The following FOXP2 variants were observed in gnomAD, a reference collection of about 807,000 sequenced individuals.
The protein encoded by FOXP2 is forkhead box P2.
A neutral mutation model predicts 115.8 loss-of-function variants in FOXP2; 12 were observed. That is an observed-to-expected ratio of 0.10 (90% confidence interval 0.07 to 0.17). FOXP2 has a LOEUF of 0.17. FOXP2 is among the 10% of genes least tolerant of loss of function. The pLI, the probability that FOXP2 is intolerant of heterozygous loss-of-function variation, is 1.00. For missense variants in FOXP2, 629 were observed against 843.5 expected, an observed-to-expected ratio of 0.75 and a Z score of 3.15; for synonymous variants, 328 against 297.7, an observed-to-expected ratio of 1.10 and a Z score of -1.05.
intron 13 of FOXP2, chr7:114,661,673 A>G: frequency 4.1e-6 from 1 of 243,360 alleles, no homozygotes; most frequent in South Asian, 5.2e-5. Context: ...TAGCATTTTA[A>G]TACCTCAAGC....
At position 114,210,859 on chromosome 7, in the gene FOXP2, G is replaced by A. The variant is rs1237058484; in HGVS notation, c.-102+47771G>A. Among the ~76,000 whole-genome samples, 5 of 152,206 alleles carry A rather than the reference G, an allele frequency of 3.3e-5. No homozygotes were observed. The East Asian group carries it at 9.7e-4, about 29-fold the overall frequency. On this transcript the variant is annotated intron_variant, in intron 1 of 17. Coordinates refer to the FOXP2 transcript ENST00000634411. ...ACCCTTCTGGAGTGGCTGCAGCAGCGAGATCCCATCCAGTGAGGAGGAAAT... is the reference window on the plus strand; with the variant it reads ...ACCCTTCTGGAGTGGCTGCAGCAGCAAGATCCCATCCAGTGAGGAGGAAAT...
rs150866577 is a variant in FOXP2 at position 114,359,738 on chromosome 7, G to C, written c.-10-66764G>C. Among the ~76,000 whole-genome samples the C allele has an allele frequency of 2.6e-3, 400 of 152,284 alleles. 3 individuals are homozygous for C. The highest frequency in any genetic ancestry group is 9.3e-3 in the African/African-American group (387 of 41,546). On this transcript the variant is annotated intron_variant, in intron 2 of 17. Transcript: ENST00000634411. Reference sequence around the variant, plus strand: ...ATGCGGCCTGCAGCCCTTTTGTTTTGACCAATTTCTCCCATATGGAATGTG... The same window carrying C: ...ATGCGGCCTGCAGCCCTTTTGTTTTCACCAATTTCTCCCATATGGAATGTG...
chr7:114,349,700 G>T (rs551009082), intron 2 of FOXP2, among the ~76,000 whole-genome samples: 4 of 151,570 alleles, frequency 2.6e-5, no homozygotes, highest in African/African-American at 9.7e-5. Flanking sequence ...TTCTGCCTTA[G>T]ATCTTCACTT....
intron 2 of FOXP2, among the ~76,000 whole-genome samples, chr7:114,308,060 G>A (rs1406025615): frequency 2.6e-5 from 4 of 152,062 alleles, no homozygotes; most frequent in Admixed American, 6.6e-5. Context: ...ACTTAGTGCC[G>A]GGATTGTTGC....
chr7:114,544,870 G>T (rs1287016319), intron 3 of FOXP2, among the ~76,000 whole-genome samples: 1 of 152,094 alleles, frequency 6.6e-6, no homozygotes, highest in Non-Finnish European at 1.5e-5. Context: ...CATTTCAGGA[G>T]AATTTATTTT....
At chr7:114,518,568 T>C (rs1444866676) in intron 2 of FOXP2, among the ~76,000 whole-genome samples, 1 of 152,032 alleles carries the variant, frequency 6.6e-6, no homozygotes, top group Non-Finnish European at 1.5e-5. Flanking sequence ...AGTGGCATGA[T>C]CTCAGCTCAC....
At chr7:114,588,616 C>G (rs1404884980) in intron 3 of FOXP2, among the ~76,000 whole-genome samples, 1 of 152,124 alleles carries the variant, frequency 6.6e-6, no homozygotes, top group East Asian at 1.9e-4. Flanking sequence ...TGTATGGTCA[C>G]TGGTTGGATT....
intron 1 of FOXP2, among the ~76,000 whole-genome samples, chr7:114,206,828 A>G (rs1794213626): frequency 6.6e-6 from 1 of 152,162 alleles, no homozygotes; most frequent in African/African-American, 2.4e-5. Flanking sequence ...ACTTAGCATA[A>G]AATTCACCAT....
chr7:114,352,865 TA>T (rs1280895559), intron 2 of FOXP2, among the ~76,000 whole-genome samples: 7 of 152,294 alleles, frequency 4.6e-5, no homozygotes, highest in Admixed American at 2.0e-4. Context: ...GTTTAAAATT[TA>T]TATTTACAGT....
At chr7:114,273,381 G>A (rs192250690) in intron 1 of FOXP2, among the ~76,000 whole-genome samples, 47 of 152,130 alleles carry the variant, frequency 3.1e-4, no homozygotes, top group Admixed American at 2.6e-3. Flanking sequence ...CTTGGTGAGT[G>A]TTCCCATGTG....
chr7:114,403,080 T>G (rs1396686652), intron 2 of FOXP2, among the ~76,000 whole-genome samples: 2 of 152,222 alleles, frequency 1.3e-5, no homozygotes, highest in African/African-American at 4.8e-5. Context: ...CAGAATTCCT[T>G]AGATTATAGC....
chr7:114,291,291 A>C (rs1796582536), intron 2 of FOXP2, among the ~76,000 whole-genome samples: 1 of 152,122 alleles, frequency 6.6e-6, no homozygotes, highest in African/African-American at 2.4e-5. Context: ...TAAAAAGGGC[A>C]CTAATCACAT....
At chr7:114,592,134 C>A (rs1332561758) in intron 3 of FOXP2, among the ~76,000 whole-genome samples, 1 of 151,990 alleles carries the variant, frequency 6.6e-6, no homozygotes, top group Non-Finnish European at 1.5e-5. Context: ...TAAAACATTT[C>A]TCTACATTAA....
rs191898545 is a variant in FOXP2, at chr7:114,505,082, T to C, written c.169-29535T>C. On this transcript the variant is annotated intron_variant, in intron 2 of 16. Transcript: ENST00000350908. ...TATCCTCAAACATAGTTCTGACTTC[T>C]CATTTCTCCATTTTCCTTTGTTGTC... 2.6e-5 allele frequency among the ~76,000 whole-genome samples: 4 copies of C among 151,830 alleles called. No homozygotes were observed. The East Asian group carries it at 7.7e-4, about 29-fold the overall frequency.
chr7:114,350,899 A>G (rs1791470731), intron 2 of FOXP2, among the ~76,000 whole-genome samples: 1 of 152,166 alleles, frequency 6.6e-6, no homozygotes, highest in Non-Finnish European at 1.5e-5. Flanking sequence ...TCCCTTATAT[A>G]AAGTGGTGTA....
intron 1 of FOXP2, among the ~76,000 whole-genome samples, chr7:114,192,638 T>C (rs948421959): frequency 1.3e-5 from 2 of 152,226 alleles, no homozygotes; most frequent in Non-Finnish European, 2.9e-5. Flanking sequence ...GCAGTGTATA[T>C]TGCAATCAGT....
intron 2 of FOXP2, among the ~76,000 whole-genome samples, chr7:114,472,536 C>T (rs1283836707): frequency 6.6e-6 from 1 of 151,786 alleles, no homozygotes; most frequent in Non-Finnish European, 1.5e-5. Flanking sequence ...TTAGTAGAGA[C>T]AGGGTTTCAT....
At chr7:114,458,303 T>C (rs960907786) in intron 2 of FOXP2, among the ~76,000 whole-genome samples, 3 of 152,122 alleles carry the variant, frequency 2.0e-5, no homozygotes, top group Non-Finnish European at 4.4e-5. Flanking sequence ...TATTTCAATA[T>C]ACTTTTTTAT....
At chr7:114,549,771 G>T (rs1800108250) in intron 3 of FOXP2, among the ~76,000 whole-genome samples, 1 of 149,638 alleles carries the variant, frequency 6.7e-6, no homozygotes. Flanking sequence ...TGTGCCATTG[G>T]ATTTTGTCTT....
Sources: gnomAD v4.1 joint callset for allele counts (sites outside exome capture counted in the v4.1 genomes callset) on GRCh38, gnomAD v4.1.1 for gene constraint, MANE v1.5 for transcripts, NCBI Gene and HGNC (gene_info 2026-07-23, HGNC 2026-07-21) for gene names.